The following DIS3L2 variants were observed in gnomAD, a reference collection of about 807,000 sequenced individuals.
DIS3L2 encodes DIS3 like 3'-5' exoribonuclease 2.
DIS3L2 carries 34 observed loss-of-function variants against 97.5 expected under a neutral mutation model. The observed-to-expected ratio is 0.35, with a 90% CI of 0.27 to 0.46. The LOEUF (loss-of-function observed/expected upper bound fraction) is 0.46. Ranked by LOEUF, DIS3L2 falls within the 20% of genes least tolerant of loss-of-function variation. The pLI is 1.00. For synonymous variants in DIS3L2, 435 were observed against 445.2 expected (o/e 0.98, Z 0.29); for missense variants, 1,038 against 1,146.0 (o/e 0.91, Z 1.36).
intron 1 of DIS3L2, among the ~76,000 whole-genome samples, chr2:231,997,311 G>A (rs1693757093): frequency 6.6e-6 from 1 of 152,154 alleles, no homozygotes; most frequent in Admixed American, 6.5e-5. Flanking sequence ...GTCCCTTTCA[G>A]GACATTTAAT....
At chr2:232,169,192 A>C (rs746957140) in intron 9 of DIS3L2, among the ~76,000 whole-genome samples, 1 of 152,214 alleles carries the variant, frequency 6.6e-6, no homozygotes, top group Non-Finnish European at 1.5e-5. Context: ...TGTCAAAAGA[A>C]GTAAGATTGA....
Position 232,336,930 on chromosome 2 carries a change from G to T in DIS3L2, c.*300G>T, listed in dbSNP as rs1249617142. 2.5e-6 allele frequency: 3 copies of T among 1,220,054 alleles called. No individual in the cohort carries two copies. The African/African-American group carries it at 4.7e-5, about 19-fold the overall frequency. The allele number at this position is 1,220,054 out of a possible 1,614,324, so 75.6% of individuals were successfully genotyped here. A position where few individuals can be genotyped will look rare whatever the true frequency, so the allele number is the denominator to read the frequency against. On this transcript the variant is annotated 3_prime_UTR_variant, in exon 21 of 21. Coordinates refer to ENST00000325385, the MANE Select transcript of DIS3L2 (RefSeq NM_152383.5). ...CCCTCCTCTGCCCAGGAAATGGGGGGGTTTCAGCAACTCAGTGTCACAGAA... is the reference window on the plus strand; with the variant it reads ...CCCTCCTCTGCCCAGGAAATGGGGGTGTTTCAGCAACTCAGTGTCACAGAA...
intron 13 of DIS3L2, among the ~76,000 whole-genome samples, chr2:232,342,505 G>A (rs572123911): frequency 6.6e-6 from 1 of 152,106 alleles, no homozygotes; most frequent in East Asian, 1.9e-4. Context: ...CATATAACTT[G>A]GACAAAAGTA....
At chr2:232,015,800 A>G in intron 3 of DIS3L2, 129 bp downstream of exon 3, 5 of 1,006,098 alleles carry the variant, frequency 5.0e-6, no homozygotes, top group Non-Finnish European at 5.7e-6. Flanking sequence ...GGCTGTTATG[A>G]TGGCATAACA....
intron 5 of DIS3L2, among the ~76,000 whole-genome samples, chr2:232,059,153 T>G (rs1695631642): frequency 6.6e-6 from 1 of 152,240 alleles, no homozygotes; most frequent in Non-Finnish European, 1.5e-5. Context: ...CAAAAAGCTC[T>G]GCCCAGGATA....
At chr2:232,208,234 ATC>A (rs1692084929) in intron 9 of DIS3L2, among the ~76,000 whole-genome samples, 1 of 151,578 alleles carries the variant, frequency 6.6e-6, no homozygotes, top group Admixed American at 6.6e-5. Context: ...TCTCTGTCTT[ATC>A]TCTGTTTTCA....
At chr2:232,202,896 G>A (rs1691935728) in intron 9 of DIS3L2, among the ~76,000 whole-genome samples, 1 of 152,194 alleles carries the variant, frequency 6.6e-6, no homozygotes, top group Admixed American at 6.5e-5. Context: ...AAAAGAAAAG[G>A]CGCAGCCCCA....
chr2:232,330,737 C>G lies in DIS3L2; in HGVS notation c.1971C>G (p.Arg657=), dbSNP rs376923957. The part of the protein sequence containing the change: ...TFGDDKYSLA[R]KEVLTNMCSR... ...GAGATGACAAGTACTCACTGGCCCG[C>G]AAGGAGGTGCTCACCAACATGTGCT... Residue 657 remains arginine (R), a synonymous_variant, in exon 16 of 21, where the codon CGC becomes CGG. Transcript: ENST00000325385. The G allele has an allele frequency of 3.1e-6, 5 of 1,613,498 alleles. No homozygotes were observed. The South Asian group carries it at 5.5e-5, about 18-fold the overall frequency.
intron 7 of DIS3L2, among the ~76,000 whole-genome samples, chr2:232,132,888 A>G (rs962965517): frequency 1.3e-5 from 2 of 152,170 alleles, no homozygotes; most frequent in African/African-American, 2.4e-5. Context: ...ATTCAGAGAC[A>G]CTGGACATCT....
At chr2:232,042,268 C>T (rs1450793696) in intron 5 of DIS3L2, among the ~76,000 whole-genome samples, 1 of 152,032 alleles carries the variant, frequency 6.6e-6, no homozygotes, top group Non-Finnish European at 1.5e-5. Context: ...TTTCCTTTGA[C>T]AACTAACTTT....
At chr2:232,024,179 C>G (rs986098982) in intron 3 of DIS3L2, 98 bp from the exon 4 acceptor site, 1 of 800,840 alleles carries the variant, frequency 1.2e-6, no homozygotes, top group East Asian at 2.7e-5. Flanking sequence ...TCTCAAGTGA[C>G]CTGTTTAATT....
intron 9 of DIS3L2, among the ~76,000 whole-genome samples, chr2:232,203,593 A>G (rs890673384): frequency 3.3e-5 from 5 of 152,186 alleles, no homozygotes; most frequent in African/African-American, 1.2e-4. Flanking sequence ...TGTGCCTTCA[A>G]TGTGCTGGAA....
At chr2:232,270,263 T>C (rs1693952697) in intron 13 of DIS3L2, among the ~76,000 whole-genome samples, 1 of 152,032 alleles carries the variant, frequency 6.6e-6, no homozygotes, top group Admixed American at 6.6e-5. Flanking sequence ...AATACAAGAA[T>C]ATAAAGAAAA....
At position 232,040,341 on chromosome 2, in the gene DIS3L2, A is replaced by T. The variant is rs543538569; in HGVS notation, c.366+10261A>T. On this transcript the variant is annotated intron_variant, in intron 5 of 20. Transcript: ENST00000325385. ...AACTCTCCCAGACATTGGAAGAAGTAGTGGGCTCCTAACTCTTCTGAGGAT... is the reference window on the plus strand; with the variant it reads ...AACTCTCCCAGACATTGGAAGAAGTTGTGGGCTCCTAACTCTTCTGAGGAT... Among the ~76,000 whole-genome samples the T allele has an allele frequency of 2.8e-3, 427 of 152,294 alleles. 1 individual carries two copies. Among genetic ancestry groups the T allele is most frequent in the Non-Finnish European group, 4.7e-3 (317 of 68,008 alleles).
At chr2:232,214,083 T>C (rs1188801655) in intron 10 of DIS3L2, among the ~76,000 whole-genome samples, 1 of 152,156 alleles carries the variant, frequency 6.6e-6, no homozygotes, top group Non-Finnish European at 1.5e-5. Context: ...AAGAAAATAT[T>C]TAGTAATGTA....
chr2:231,987,059 G>T (rs1335799121), intron 1 of DIS3L2, among the ~76,000 whole-genome samples: 1 of 152,146 alleles, frequency 6.6e-6, no homozygotes, highest in Admixed American at 6.5e-5. Flanking sequence ...TCAAGCAGCT[G>T]GTTGTCTTGC....
rs761378912 is a variant in DIS3L2 at position 232,333,835 on chromosome 2, C to T, written c.2011-5C>T. The T allele has an allele frequency of 8.1e-6, 13 of 1,607,830 alleles. No homozygotes were observed. Among genetic ancestry groups the T allele is most frequent in the South Asian group, 3.3e-5 (3 of 90,394 alleles). ...TGTCAGGCTCTGACCCATCCCGTCCCGCAGATGGCACTGTACTTCTGCTCG... is the reference window on the plus strand; with the variant it reads ...TGTCAGGCTCTGACCCATCCCGTCCTGCAGATGGCACTGTACTTCTGCTCG... On this transcript the variant is annotated splice_region_variant and splice_polypyrimidine_tract_variant and intron_variant, in intron 16 of 20. Coordinates refer to ENST00000325385, the MANE Select transcript of DIS3L2 (RefSeq NM_152383.5).
intron 6 of DIS3L2, among the ~76,000 whole-genome samples, chr2:232,096,988 C>T (rs948190334): frequency 1.3e-5 from 2 of 152,138 alleles, no homozygotes; most frequent in Admixed American, 6.5e-5. Context: ...GGTTGTTCAT[C>T]GGTGTCTGGA....
chr2:232,324,769 C>T (rs1695527815), intron 14 of DIS3L2, among the ~76,000 whole-genome samples: 1 of 152,188 alleles, frequency 6.6e-6, no homozygotes, highest in Admixed American at 6.5e-5. Context: ...ATAATAATGT[C>T]TTATTTATTC....
Sources: gnomAD v4.1 joint callset for allele counts (sites outside exome capture counted in the v4.1 genomes callset) on GRCh38, gnomAD v4.1.1 for gene constraint, MANE v1.5 for transcripts, NCBI Gene and HGNC (gene_info 2026-07-23, HGNC 2026-07-21) for gene names.